ZC3H11A: variants seen among roughly 807,000 people sequenced by gnomAD.
ZC3H11A encodes the protein zinc finger CCCH-type containing 11A, also known as zinc finger CCCH domain-containing protein 11A.
A neutral mutation model predicts 90.8 loss-of-function variants in ZC3H11A; 22 were observed. That is an observed-to-expected ratio of 0.24 (90% CI 0.17 to 0.35). ZC3H11A has a LOEUF of 0.35. Among genes scored for constraint, ZC3H11A ranks in the 10% least tolerant of loss-of-function variants. The pLI, the probability that ZC3H11A is intolerant of heterozygous loss-of-function variation, is 1.00. For synonymous variants in ZC3H11A, 294 were observed against 339.8 expected, an observed-to-expected ratio of 0.87 and a Z score of 1.48; for missense variants, 701 against 964.9, an observed-to-expected ratio of 0.73 and a Z score of 3.62.
At chr1:203,797,501 G>T (rs896246671) in intron 1 of ZC3H11A, 9 of 1,468,782 alleles carry the variant, frequency 6.1e-6, no homozygotes, top group South Asian at 1.4e-5. Context: ...ATTCTGGTAC[G>T]AATTGTGGAG....
chr1:203,842,336 T>C (rs1001456756), intron 12 of ZC3H11A, among the ~76,000 whole-genome samples: 1 of 152,144 alleles, frequency 6.6e-6, no homozygotes, highest in Non-Finnish European at 1.5e-5. Context: ...CGAGACTCCG[T>C]CTGCAATCCC....
intron 12 of ZC3H11A, among the ~76,000 whole-genome samples, chr1:203,840,879 C>A (rs1685910238): frequency 6.6e-6 from 1 of 152,132 alleles, no homozygotes; most frequent in Non-Finnish European, 1.5e-5. Flanking sequence ...GGTGATCCAC[C>A]TGCCTCAGCC....
At chr1:203,819,553 A>ATTTTTTTTTTTTT in intron 4 of ZC3H11A, among the ~76,000 whole-genome samples, 1 of 36,842 alleles carries the variant, frequency 2.7e-5, no homozygotes, top group Non-Finnish European at 5.3e-5. Context: ...TTTTTTTTTG[A>ATTTTTTTTTTTTT]GACAGAGTTT....
At chr1:203,796,960 T>C (rs952122988) in intron 1 of ZC3H11A, 4 of 153,330 alleles carry the variant, frequency 2.6e-5, no homozygotes, top group African/African-American at 9.6e-5. Context: ...AGAATTGACT[T>C]TTTGGGTTGT....
chr1:203,800,098 T>A (rs975828936), intron 1 of ZC3H11A: 13 of 1,535,994 alleles, frequency 8.5e-6, no homozygotes, highest in Non-Finnish European at 1.1e-5. Context: ...AAAAGCTTCA[T>A]GTTCCCTTCT....
At chr1:203,798,658 C>A in intron 1 of ZC3H11A, 2 of 1,536,128 alleles carry the variant, frequency 1.3e-6, no homozygotes, top group Non-Finnish European at 1.7e-6. Flanking sequence ...GAAAACAGAT[C>A]TGAAAGTCCT....
intron 4 of ZC3H11A, among the ~76,000 whole-genome samples, chr1:203,824,490 A>C (rs1184655824): frequency 6.6e-6 from 1 of 152,090 alleles, no homozygotes; most frequent in Non-Finnish European, 1.5e-5. Flanking sequence ...CTACTTGCTA[A>C]AATTTATAAC....
intron 12 of ZC3H11A, 67 bp downstream of exon 12, chr1:203,840,441 C>G (rs1338972663): frequency 1.4e-6 from 2 of 1,481,292 alleles, no homozygotes; most frequent in African/African-American, 1.4e-5. Context: ...TGCTTTTTCT[C>G]AGATTTACCT....
At position 203,833,781 on chromosome 1, in the gene ZC3H11A, G is replaced by C. The variant is rs1473238482; in HGVS notation, c.812-10G>C. 4 of 1,602,724 alleles carry C rather than the reference G, an allele frequency of 2.5e-6. No individual in the cohort carries two copies. In the South Asian group the frequency reaches 4.5e-5, roughly 18 times the overall value. Reference sequence around the variant, plus strand: ...CTAAGGATAGAGAAATTCTGCTTTTGCCATTTCAGGAGAAGAACCCTTGGT... The same window carrying C: ...CTAAGGATAGAGAAATTCTGCTTTTCCCATTTCAGGAGAAGAACCCTTGGT... On this transcript the variant is annotated splice_polypyrimidine_tract_variant and intron_variant, in intron 9 of 17. Transcript: ENST00000367210.
At chr1:203,833,734 T>A (rs1683265451) in intron 9 of ZC3H11A, 57 bp from the exon 10 acceptor site, 2 of 1,497,614 alleles carry the variant, frequency 1.3e-6, no homozygotes, top group Admixed American at 1.9e-5. Context: ...CCATTAGTAG[T>A]TACTGAATAC....
intron 2 of ZC3H11A, among the ~76,000 whole-genome samples, chr1:203,806,739 C>G (rs1021247778): frequency 6.6e-6 from 1 of 151,028 alleles, no homozygotes; most frequent in Non-Finnish European, 1.5e-5. Context: ...ATTGCATATG[C>G]TGATGATTTC....
intron 12 of ZC3H11A, among the ~76,000 whole-genome samples, chr1:203,841,707 T>C (rs144538879): frequency 0.13 from 19,570 of 151,906 alleles, 1,406 homozygotes; most frequent in Non-Finnish European, 0.15. Flanking sequence ...GCAGAGGGGC[T>C]CCTCACTTCC....
intron 1 of ZC3H11A, chr1:203,799,846 A>T: frequency 6.5e-7 from 1 of 1,529,922 alleles, no homozygotes; most frequent in Non-Finnish European, 8.8e-7. Context: ...CCTTGCTTTA[A>T]AAACAGTTTG....
intron 4 of ZC3H11A, among the ~76,000 whole-genome samples, chr1:203,819,058 A>T (rs1249139811): frequency 7.5e-6 from 1 of 133,218 alleles, no homozygotes; most frequent in African/African-American, 2.7e-5. Context: ...ACAGAGCAAC[A>T]CTCCGTCTCA....
At chr1:203,843,865 C>CT (rs1007632278) in intron 12 of ZC3H11A, among the ~76,000 whole-genome samples, 30 of 150,602 alleles carry the variant, frequency 2.0e-4, no homozygotes, top group East Asian at 1.2e-3. Flanking sequence ...GGGATTTCTT[C>CT]TTTTTTTTTG....
rs182289240 is a variant in ZC3H11A, at chr1:203,827,859, A to G, written c.175-440A>G. Among the ~76,000 whole-genome samples the G allele has an allele frequency of 2.3e-3, 354 of 152,274 alleles. 2 individuals are homozygous for G. Among genetic ancestry groups the G allele is most frequent in the Non-Finnish European group, 4.1e-3 (281 of 68,030 alleles). On this transcript the variant is annotated intron_variant, in intron 4 of 17. Coordinates refer to ENST00000367210, the MANE Select transcript of ZC3H11A (RefSeq NM_001376342.1). ...TTGACCTATGTGCTTAGTGCTTTAT[A>G]TACATTATTTTATGTACTCTTCATA...
intron 8 of ZC3H11A, 50 bp from the exon 9 acceptor site, chr1:203,831,611 A>C (rs769212392): frequency 3.0e-5 from 45 of 1,520,832 alleles, no homozygotes; most frequent in Non-Finnish European, 4.1e-5. Flanking sequence ...GACTTGGGAT[A>C]GCATTATTTT....
At chr1:203,797,383 A>G (rs1668893381) in intron 1 of ZC3H11A, 2 of 761,452 alleles carry the variant, frequency 2.6e-6, no homozygotes, top group South Asian at 4.8e-5. Context: ...CCTGGCTTGG[A>G]AGTTATTGGT....
At chr1:203,820,466 T>TTGTGTGTG (rs144962991) in intron 4 of ZC3H11A, among the ~76,000 whole-genome samples, 3 of 136,470 alleles carry the variant, frequency 2.2e-5, no homozygotes, top group Non-Finnish European at 4.9e-5. Flanking sequence ...ATATCACAAA[T>TTGTGTGTG]TATGTGTGTG....
Sources: allele counts gnomAD v4.1 joint callset (sites outside exome capture counted in the v4.1 genomes callset), GRCh38; gene constraint gnomAD v4.1.1; transcripts MANE v1.5; gene names NCBI Gene and HGNC (gene_info 2026-07-23, HGNC 2026-07-21).